SPOCK3: variants seen among roughly 807,000 people sequenced by gnomAD.
SPOCK3 encodes the protein testican-3.
Under a neutral mutation model 56.6 loss-of-function variants are expected in SPOCK3, and 30 were observed. The ratio of observed to expected loss-of-function variants is 0.53; its 90% CI spans 0.40 to 0.72. The LOEUF is 0.72. Ranked by LOEUF, SPOCK3 falls within the 30% of genes least tolerant of loss-of-function variation. The probability of loss-of-function intolerance (pLI) is 0.00; values close to 1 mark genes in which losing one functional copy is unlikely to be tolerated. For missense variants in SPOCK3, 527 were observed against 530.0 expected, an observed-to-expected ratio of 0.99 and a Z score of 0.06; for synonymous variants, 196 against 183.3, an observed-to-expected ratio of 1.07 and a Z score of -0.56.
intron 2 of SPOCK3, among the ~76,000 whole-genome samples, chr4:167,144,239 G>A (rs1339666827): frequency 2.0e-5 from 3 of 151,490 alleles, no homozygotes; most frequent in Non-Finnish European, 4.4e-5. Flanking sequence ...CTACAAATAA[G>A]CTGCTAAAAG....
chr4:166,941,175 T>A (rs773530424), intron 4 of SPOCK3, among the ~76,000 whole-genome samples: 1 of 151,486 alleles, frequency 6.6e-6, no homozygotes, highest in East Asian at 2.0e-4. Flanking sequence ...CCAATCAATT[T>A]ATGCCTCCCA....
intron 2 of SPOCK3, among the ~76,000 whole-genome samples, chr4:167,078,369 T>TGTGTGTGTGTG (rs1580222176): frequency 9.8e-6 from 1 of 101,960 alleles, no homozygotes; most frequent in African/African-American, 3.4e-5. Flanking sequence ...TGTGTGTGTG[T>TGTGTGTGTGTG]TTGCAGAGGG....
chr4:166,744,952 T>C (rs1264979309), intron 8 of SPOCK3, among the ~76,000 whole-genome samples: 1 of 151,388 alleles, frequency 6.6e-6, no homozygotes, highest in African/African-American at 2.4e-5. Context: ...AAAGTAAAAA[T>C]AAACGAACAA....
chr4:166,777,524 C>A (rs1053977097), intron 7 of SPOCK3, among the ~76,000 whole-genome samples: 1 of 152,062 alleles, frequency 6.6e-6, no homozygotes, highest in Non-Finnish European at 1.5e-5. Context: ...GGCCATTAAT[C>A]CCAGCGCTTT....
intron 6 of SPOCK3, among the ~76,000 whole-genome samples, chr4:166,831,478 G>T (rs1442156370): frequency 2.0e-5 from 3 of 152,046 alleles, no homozygotes; most frequent in Non-Finnish European, 4.4e-5. Context: ...GGATAAAAAA[G>T]ATATACGGCT....
At chr4:166,754,364 T>G (rs948694910) in intron 8 of SPOCK3, 144 bp downstream of exon 8, 1 of 1,392,446 alleles carries the variant, frequency 7.2e-7, no homozygotes, top group Non-Finnish European at 9.3e-7. Context: ...AACATGCTTC[T>G]TATTTGCTCT....
chr4:167,005,137 G>A (rs1345684292), intron 3 of SPOCK3, among the ~76,000 whole-genome samples: 1 of 152,118 alleles, frequency 6.6e-6, no homozygotes, highest in East Asian at 1.9e-4. Context: ...GGCTGGAACA[G>A]AGAACGCAGG....
At chr4:166,897,856 A>G (rs1449544482) in intron 5 of SPOCK3, among the ~76,000 whole-genome samples, 1 of 152,176 alleles carries the variant, frequency 6.6e-6, no homozygotes, top group African/African-American at 2.4e-5. Context: ...ATCATGAACA[A>G]GGGTAGTGAA....
intron 4 of SPOCK3, among the ~76,000 whole-genome samples, chr4:166,932,665 G>GA (rs1739925716): frequency 6.6e-6 from 1 of 152,010 alleles, no homozygotes; most frequent in Non-Finnish European, 1.5e-5. Context: ...AAATCTAGGA[G>GA]AAAAAAATTT....
At chr4:166,842,169 T>C (rs1747479765) in intron 6 of SPOCK3, among the ~76,000 whole-genome samples, 1 of 152,004 alleles carries the variant, frequency 6.6e-6, no homozygotes, top group African/African-American at 2.4e-5. Context: ...ACCCAAAGAG[T>C]GAGCAGCAGC....
At chr4:166,993,929 TAATTATC>T (rs1748080620) in intron 4 of SPOCK3, among the ~76,000 whole-genome samples, 2 of 152,198 alleles carry the variant, frequency 1.3e-5, no homozygotes, top group South Asian at 4.1e-4. Flanking sequence ...ATACATAGTA[TAATTATC>T]AACTCTATGT....
intron 8 of SPOCK3, among the ~76,000 whole-genome samples, chr4:166,750,405 C>T (rs1736220779): frequency 6.6e-6 from 1 of 151,950 alleles, no homozygotes; most frequent in Non-Finnish European, 1.5e-5. Context: ...AAGATGAATT[C>T]CCCCAATGTG....
intron 6 of SPOCK3, among the ~76,000 whole-genome samples, chr4:166,798,393 C>G (rs527610067): frequency 1.3e-5 from 2 of 152,128 alleles, no homozygotes; most frequent in South Asian, 4.2e-4. Flanking sequence ...GTAAGAGGCC[C>G]GTTAGAGTGA....
intron 3 of SPOCK3, among the ~76,000 whole-genome samples, chr4:167,042,632 AT>A (rs1175517666): frequency 2.0e-5 from 3 of 152,144 alleles, no homozygotes; most frequent in African/African-American, 7.2e-5. Flanking sequence ...CTGAAAAGTA[AT>A]TCATATTTAG....
chr4:166,969,159 T>A (rs1745089163), intron 4 of SPOCK3, among the ~76,000 whole-genome samples: 1 of 152,198 alleles, frequency 6.6e-6, no homozygotes, highest in Non-Finnish European at 1.5e-5. Flanking sequence ...AATATGTTTT[T>A]AAATTTTTAA....
chr4:166,840,771 GTTTTTTTTTT>G lies in SPOCK3; in HGVS notation c.589+48349_589+48358del, dbSNP rs70955697. Among the ~76,000 whole-genome samples the G allele has an allele frequency of 3.6e-3, 243 of 68,180 alleles. 6 individuals carry two copies. In the East Asian group the frequency reaches 0.091, roughly 26 times the overall value. 44.7% of individuals were successfully genotyped at this position (68,180 alleles called of 152,430 possible). A position where few individuals can be genotyped will look rare whatever the true frequency, so the allele number is the denominator to read the frequency against. On this transcript the variant is annotated intron_variant, in intron 6 of 10. Coordinates refer to ENST00000357545, the MANE Select transcript of SPOCK3 (RefSeq NM_001040159.2). ...CTAATTCATCTTCCCAGAAGCAAAA[GTTTTTTTTTT>G]TTTTTTTTTTTTTTTTAGATGCAGT...
At chr4:166,834,255 C>T (rs1746381292) in intron 6 of SPOCK3, among the ~76,000 whole-genome samples, 1 of 152,200 alleles carries the variant, frequency 6.6e-6, no homozygotes, top group African/African-American at 2.4e-5. Context: ...CAAACCAACT[C>T]ATCTTGCTGT....
intron 3 of SPOCK3, among the ~76,000 whole-genome samples, chr4:167,052,516 G>A (rs1163993558): frequency 6.6e-6 from 1 of 152,034 alleles, no homozygotes; most frequent in Non-Finnish European, 1.5e-5. Flanking sequence ...TCAAATAAAG[G>A]CTCAGAATTT....
intron 3 of SPOCK3, among the ~76,000 whole-genome samples, chr4:167,049,450 G>A (rs1274563217): frequency 2.0e-5 from 3 of 152,046 alleles, no homozygotes; most frequent in Admixed American, 6.6e-5. Flanking sequence ...CACTAGACTC[G>A]CTGGTGTCTC....
Sources: allele counts gnomAD v4.1 joint callset (sites outside exome capture counted in the v4.1 genomes callset), GRCh38; gene constraint gnomAD v4.1.1; transcripts MANE v1.5; gene names NCBI Gene and HGNC (gene_info 2026-07-23, HGNC 2026-07-21).